ABCA9: variants seen among roughly 807,000 people sequenced by gnomAD.
ABCA9 encodes ATP-binding cassette sub-family A member 9.
ABCA9 carries 183 observed loss-of-function variants against 205.3 expected under a neutral mutation model. The ratio of observed to expected loss-of-function variants is 0.89; its 90% confidence interval spans 0.79 to 1.01. The LOEUF (loss-of-function observed/expected upper bound fraction) is 1.01, where lower values mean the gene tolerates loss of function less well. Among genes scored for constraint, ABCA9 ranks in the 50% least tolerant of loss-of-function variants. ABCA9 has a pLI of 0.00. For synonymous variants in ABCA9, 651 were observed against 683.3 expected, an observed-to-expected ratio of 0.95 and a Z score of 0.74; for missense variants, 1,805 against 1,912.4, an observed-to-expected ratio of 0.94 and a Z score of 1.05.
Position 68,992,177 on chromosome 17 carries a change from G to C in ABCA9, c.3714C>G (p.Phe1238Leu). The C allele has an allele frequency of 6.4e-7, 1 of 1,572,900 alleles. No individual in the cohort carries two copies. The highest frequency in any genetic ancestry group is 8.6e-7 in the Non-Finnish European group (1 of 1,157,554). Reference sequence around the variant, plus strand: ...AAATTCGATTTGATTTTCTCAACCTGAACACAGGATCCTTTCTCATTAGTT... The same window carrying C: ...AAATTCGATTTGATTTTCTCAACCTCAACACAGGATCCTTTCTCATTAGTT... ...RKKLMRKDPVFRISPRSNAIF... is the reference protein window; with the variant it reads ...RKKLMRKDPVLRISPRSNAIF... The change falls in exon 28 of 39, where the codon TTC becomes TTG. Residue 1238 changes from phenylalanine (F) to leucine (L), a missense_variant and splice_region_variant. Phe to Leu is a conservative substitution (Grantham distance 22). Transcript: ENST00000340001.
chr17:69,018,350 T>G (rs1374198613), intron 20 of ABCA9, 63 bp downstream of exon 20: 2 of 1,360,980 alleles, frequency 1.5e-6, no homozygotes, highest in African/African-American at 3.0e-5. Context: ...CTGTTCATGT[T>G]TTTTGGGGGG....
intron 3 of ABCA9, among the ~76,000 whole-genome samples, chr17:69,048,881 G>A (rs1023843401): frequency 2.0e-5 from 3 of 152,078 alleles, no homozygotes; most frequent in Admixed American, 6.6e-5. Flanking sequence ...TATATACTTT[G>A]TGGTACAAGG....
At chr17:69,016,115 TATATATATACACAC>T in intron 22 of ABCA9, 124 bp downstream of exon 22, 1 of 287,420 alleles carries the variant, frequency 3.5e-6, no homozygotes, top group Non-Finnish European at 6.2e-6. Context: ...TATATATATA[TATATATATACACAC>T]ACACACACAC....
chr17:68,985,030 G>A, intron 33 of ABCA9, 23 bp downstream of exon 33: 1 of 1,614,202 alleles, frequency 6.2e-7, no homozygotes. Flanking sequence ...CACTTGCAGA[G>A]CAACAACAAG....
chr17:68,983,594 C>G (rs1292892395), intron 36 of ABCA9, 115 bp downstream of exon 36: 12 of 1,396,420 alleles, frequency 8.6e-6, no homozygotes, highest in Non-Finnish European at 1.2e-5. Context: ...AAGTAAAGTA[C>G]TTGCAATTAC....
Position 68,976,163 on chromosome 17 carries a change from T to TA in ABCA9, c.4747dup (p.Tyr1583LeufsTer23). 6.2e-7 allele frequency: 1 copy of TA among 1,614,122 alleles called. No homozygotes were observed. The highest frequency in any genetic ancestry group is 8.5e-7 in the Non-Finnish European group (1 of 1,179,978). Reference sequence around the variant, plus strand: ...CTCCAGGGTAGACTGTGAGAGGCTGTACTCCTCCAGGTCGAAACTCTGTTT... The same window carrying TA: ...CTCCAGGGTAGACTGTGAGAGGCTGTAACTCCTCCAGGTCGAAACTCTGTTT... On this transcript the variant is annotated frameshift_variant, in exon 38 of 39. Coordinates refer to ENST00000340001, the MANE Select transcript of ABCA9 (RefSeq NM_080283.4). LOFTEE classifies it high-confidence loss of function.
At chr17:68,997,084 T>A (rs983052848) in intron 25 of ABCA9, among the ~76,000 whole-genome samples, 2 of 152,144 alleles carry the variant, frequency 1.3e-5, no homozygotes, top group African/African-American at 4.8e-5. Flanking sequence ...GCACATGCCA[T>A]CACGCCCAGC....
chr17:68,996,690 G>A (rs1340604781), intron 25 of ABCA9, among the ~76,000 whole-genome samples: 1 of 152,082 alleles, frequency 6.6e-6, no homozygotes, highest in Admixed American at 6.5e-5. Flanking sequence ...TTTATTGTAG[G>A]CATCGTTGAT....
chr17:69,015,916 A>G (rs1398139931), intron 22 of ABCA9, among the ~76,000 whole-genome samples: 1 of 151,738 alleles, frequency 6.6e-6, no homozygotes, highest in East Asian at 1.9e-4. Context: ...CTGTTGCTCT[A>G]TTGACACCAA....
intron 25 of ABCA9, among the ~76,000 whole-genome samples, chr17:68,997,089 C>T (rs938838033): frequency 6.6e-6 from 1 of 152,200 alleles, no homozygotes; most frequent in East Asian, 1.9e-4. Context: ...TGCCATCACG[C>T]CCAGCTAATT....
chr17:68,996,127 C>A, intron 25 of ABCA9, 113 bp from the exon 26 acceptor site: 1 of 1,084,622 alleles, frequency 9.2e-7, no homozygotes, highest in Non-Finnish European at 1.3e-6. Flanking sequence ...ATTTCACTCC[C>A]CAAACCAGTA....
At position 68,989,813 on chromosome 17, in the gene ABCA9, C is replaced by G. The variant is rs1567918882; in HGVS notation, c.3955G>C (p.Gly1319Arg). 11 of 1,558,538 alleles carry G rather than the reference C, an allele frequency of 7.1e-6. No homozygotes were observed. Among genetic ancestry groups the G allele is most frequent in the Non-Finnish European group, 9.7e-6 (11 of 1,131,542 alleles). ...TACTAATGGAACTACTGTTTCCAAC[C>G]TTTTTTAACACAAAAAGAGACATTT... ...TRNVSFCVKK[G>R]EVIGLLGHNG... is the part of the protein sequence containing the mutation. The change falls in exon 30 of 39, where the codon GGT (glycine) becomes CGT (arginine). Residue 1319 changes from glycine (G) to arginine (R), a missense_variant and splice_region_variant. Transcript: ENST00000340001.
chr17:69,020,797 T>C, intron 18 of ABCA9: 1 of 497,020 alleles, frequency 2.0e-6, no homozygotes, highest in Non-Finnish European at 3.5e-6. Flanking sequence ...TTGTGTTTTC[T>C]GATTTTAAAC....
At chr17:69,047,864 C>G (rs1267978012) in intron 3 of ABCA9, among the ~76,000 whole-genome samples, 1 of 152,188 alleles carries the variant, frequency 6.6e-6, no homozygotes, top group Non-Finnish European at 1.5e-5. Flanking sequence ...CAAGCCCTGT[C>G]TTTGTTCGTG....
At chr17:68,988,690 A>G (rs2069332497) in intron 31 of ABCA9, among the ~76,000 whole-genome samples, 1 of 152,178 alleles carries the variant, frequency 6.6e-6, no homozygotes, top group Non-Finnish European at 1.5e-5. Flanking sequence ...CATTATTCTG[A>G]CAGTGGTTTC....
intron 5 of ABCA9, 78 bp downstream of exon 5, chr17:69,044,419 G>A (rs2071643532): frequency 1.6e-6 from 2 of 1,220,614 alleles, no homozygotes; most frequent in Non-Finnish European, 2.4e-6. Flanking sequence ...ATAAATGATA[G>A]AATAGGATAA....
Position 69,029,183 on chromosome 17 carries a change from A to C in ABCA9, c.1490T>G (p.Val497Gly). The C allele has an allele frequency of 1.3e-6, 2 of 1,555,692 alleles. No homozygotes were observed. The highest frequency in any genetic ancestry group is 1.8e-6 in the Non-Finnish European group (2 of 1,139,644). ...KKEYAGKCER[V>G]EALKGVVFDI... is the part of the protein sequence containing the mutation. ...TATTTTATTACCTTTCAAAGCTTCT[A>C]CTCTCTCACACTTCCCTGCATATTC... The change falls in exon 11 of 39, where the codon GTA becomes GGA. Residue 497 changes from valine to glycine, a missense_variant. Val to Gly is a moderately radical substitution (Grantham distance 109). Transcript: ENST00000340001.
intron 1 of ABCA9, 136 bp from the exon 2 acceptor site, chr17:69,051,275 A>C: frequency 1.5e-6 from 1 of 666,654 alleles, no homozygotes; most frequent in Non-Finnish European, 2.4e-6. Context: ...CAAAAGGCTA[A>C]AATAAAAACA....
chr17:69,000,096 A>G (rs1212369022), intron 25 of ABCA9, among the ~76,000 whole-genome samples: 1 of 151,058 alleles, frequency 6.6e-6, no homozygotes, highest in African/African-American at 2.4e-5. Flanking sequence ...CTCTGATGGT[A>G]GTTTCTTTTG....
Sources: allele counts gnomAD v4.1 joint callset (sites outside exome capture counted in the v4.1 genomes callset), GRCh38; gene constraint gnomAD v4.1.1; transcripts MANE v1.5; gene names NCBI Gene and HGNC (gene_info 2026-07-23, HGNC 2026-07-21).